MAMDC2: variants seen among roughly 807,000 people sequenced by gnomAD.
MAMDC2 encodes MAM domain-containing protein 2.
Under a neutral mutation model 89.8 loss-of-function variants are expected in MAMDC2, and 57 were observed. The observed-to-expected ratio is 0.63, with a 90% confidence interval of 0.51 to 0.79. The LOEUF (loss-of-function observed/expected upper bound fraction) is 0.79, where lower values mean the gene tolerates loss of function less well. Among genes scored for constraint, MAMDC2 ranks in the 30% least tolerant of loss-of-function variants. The probability of loss-of-function intolerance (pLI) is 0.00; values close to 1 mark genes in which losing one functional copy is unlikely to be tolerated. For missense variants in MAMDC2, 800 were observed against 820.6 expected, an observed-to-expected ratio of 0.97 and a Z score of 0.31; for synonymous variants, 313 against 293.4, an observed-to-expected ratio of 1.07 and a Z score of -0.68.
chr9:70,073,946 C>G (rs775628485), intron 2 of MAMDC2, among the ~76,000 whole-genome samples: 1 of 152,204 alleles, frequency 6.6e-6, no homozygotes, highest in Non-Finnish European at 1.5e-5. Context: ...AGCCATGTTT[C>G]TTAAACTCTT....
chr9:70,210,600 G>T (rs373230052), intron 11 of MAMDC2, among the ~76,000 whole-genome samples: 1 of 152,180 alleles, frequency 6.6e-6, no homozygotes, highest in African/African-American at 2.4e-5. Context: ...TTGCCAGTCT[G>T]TGTCTTTTAA....
At chr9:70,167,644 C>T (rs530146547) in intron 9 of MAMDC2, among the ~76,000 whole-genome samples, 74 of 152,282 alleles carry the variant, frequency 4.9e-4, no homozygotes, top group African/African-American at 1.7e-3. Context: ...AAATCTAATA[C>T]AAATGTTTTT....
At chr9:70,123,440 C>T (rs983744138) in intron 5 of MAMDC2, among the ~76,000 whole-genome samples, 4 of 152,150 alleles carry the variant, frequency 2.6e-5, no homozygotes, top group Non-Finnish European at 4.4e-5. Context: ...CATTCCGATT[C>T]TTCCTTTAAA....
intron 11 of MAMDC2, among the ~76,000 whole-genome samples, chr9:70,174,663 C>G (rs192091221): frequency 6.6e-6 from 1 of 151,906 alleles, no homozygotes; most frequent in African/African-American, 2.4e-5. Flanking sequence ...TAGGAAATGA[C>G]CCAGAGAAAT....
At chr9:70,176,842 A>G (rs1030237767) in intron 11 of MAMDC2, among the ~76,000 whole-genome samples, 1 of 152,174 alleles carries the variant, frequency 6.6e-6, no homozygotes, top group African/African-American at 2.4e-5. Context: ...TTTCTAGGGA[A>G]ATATAATATC....
intron 11 of MAMDC2, among the ~76,000 whole-genome samples, chr9:70,178,346 G>C (rs940486772): frequency 9.2e-5 from 14 of 151,462 alleles, no homozygotes; most frequent in African/African-American, 2.7e-4. Context: ...AGAGCAAGAG[G>C]GAACCAAACT....
At chr9:70,211,707 A>G (rs2033357426) in intron 11 of MAMDC2, among the ~76,000 whole-genome samples, 1 of 152,122 alleles carries the variant, frequency 6.6e-6, no homozygotes, top group African/African-American at 2.4e-5. Context: ...AGGTGCTCTG[A>G]TTTTTAGAAT....
In MAMDC2 at chr9:70,140,308, A is replaced by G; in HGVS notation, c.1138+20A>G. 1.3e-6 allele frequency: 2 copies of G among 1,564,818 alleles called. No homozygotes were observed. Among genetic ancestry groups the G allele is most frequent in the Non-Finnish European group, 1.7e-6 (2 of 1,162,376 alleles). On this transcript the variant is annotated intron_variant, in intron 8 of 13. Transcript: ENST00000377182. ...GCTTAGGTAAATCAGAGATCTGTCT[A>G]TGTGGGGACATCTTGGGTAGTCGTG...
At chr9:70,113,448 T>A (rs1220432250) in intron 5 of MAMDC2, among the ~76,000 whole-genome samples, 2 of 152,222 alleles carry the variant, frequency 1.3e-5, no homozygotes, top group Non-Finnish European at 1.5e-5. Flanking sequence ...TATTTGTTGT[T>A]TAATATTTCT....
intron 5 of MAMDC2, among the ~76,000 whole-genome samples, chr9:70,115,100 A>G (rs1053238713): frequency 1.3e-5 from 2 of 152,194 alleles, no homozygotes; most frequent in Admixed American, 1.3e-4. Flanking sequence ...ACTTTATTTC[A>G]TTGACAATGG....
intron 2 of MAMDC2, 56 bp downstream of exon 2, chr9:70,044,753 CT>C (rs1387950124): frequency 1.6e-5 from 21 of 1,273,814 alleles, no homozygotes; most frequent in Non-Finnish European, 2.0e-5. Context: ...TGATGGCTTG[CT>C]TTTTTTTCCC....
chr9:70,070,364 G>A (rs1290588398), intron 2 of MAMDC2, among the ~76,000 whole-genome samples: 1 of 152,212 alleles, frequency 6.6e-6, no homozygotes, highest in African/African-American at 2.4e-5. Context: ...CTTATCAACA[G>A]TTTGAGGAAT....
chr9:70,099,520 G>A (rs932343126), intron 2 of MAMDC2, among the ~76,000 whole-genome samples: 1 of 152,114 alleles, frequency 6.6e-6, no homozygotes, highest in Non-Finnish European at 1.5e-5. Context: ...TGCTTTGCAT[G>A]TATTATTGTC....
chr9:70,126,316 T>C lies in MAMDC2; in HGVS notation c.801T>C (p.Asp267=). Residue 267 remains aspartate, a synonymous_variant, in exon 6 of 14, where the codon GAT becomes GAC. Coordinates refer to ENST00000377182, the MANE Select transcript of MAMDC2 (RefSeq NM_153267.5). The stretch of plus-strand genomic sequence containing the variant: ...ATGTCTTTTCCCTTTACACTCGGGA[T>C]GTGGCTGGCCTTTACGAGGAAATCT... The part of the protein sequence containing the change: ...NDNVFSLYTR[D]VAGLYEEIWK... The C allele has an allele frequency of 6.2e-7, 1 of 1,614,170 alleles. No homozygotes were observed. Among genetic ancestry groups the C allele is most frequent in the Non-Finnish European group, 8.5e-7 (1 of 1,180,022 alleles).
intron 11 of MAMDC2, chr9:70,194,620 T>G (rs1333104510): frequency 6.6e-6 from 1 of 152,152 alleles, no homozygotes; most frequent in East Asian, 1.9e-4. Context: ...TATAGTAGCA[T>G]AAACAGACTC....
At chr9:70,110,100 T>C (rs1201003541) in intron 4 of MAMDC2, among the ~76,000 whole-genome samples, 1 of 152,214 alleles carries the variant, frequency 6.6e-6, no homozygotes, top group Non-Finnish European at 1.5e-5. Flanking sequence ...ATTAAAATAA[T>C]TTACAAATTG....
chr9:70,130,357 C>T (rs563531326), intron 6 of MAMDC2, among the ~76,000 whole-genome samples: 1 of 152,242 alleles, frequency 6.6e-6, no homozygotes, highest in African/African-American at 2.4e-5. Flanking sequence ...TGCACCATAC[C>T]AAGCCCACTT....
At chr9:70,053,637 G>A (rs1275112628) in intron 2 of MAMDC2, among the ~76,000 whole-genome samples, 1 of 152,228 alleles carries the variant, frequency 6.6e-6, no homozygotes, top group African/African-American at 2.4e-5. Context: ...TTAGCTCTCA[G>A]AATCAACAGG....
chr9:70,114,636 C>G (rs1054109001), intron 5 of MAMDC2, among the ~76,000 whole-genome samples: 1 of 152,052 alleles, frequency 6.6e-6, no homozygotes, highest in Non-Finnish European at 1.5e-5. Flanking sequence ...TTAAAACAAA[C>G]GCAACTTTAA....
Sources: gnomAD v4.1 joint callset for allele counts (sites outside exome capture counted in the v4.1 genomes callset) on GRCh38, gnomAD v4.1.1 for gene constraint, MANE v1.5 for transcripts, NCBI Gene and HGNC (gene_info 2026-07-23, HGNC 2026-07-21) for gene names.